The following PDE10A variants were observed in gnomAD, a reference collection of about 807,000 sequenced individuals.
The protein encoded by PDE10A is phosphodiesterase 10A.
PDE10A carries 39 observed loss-of-function variants against 97.7 expected under a neutral mutation model. The observed-to-expected ratio is 0.40, with a 90% CI of 0.31 to 0.52. The LOEUF is 0.52. Among genes scored for constraint, PDE10A ranks in the 20% least tolerant of loss-of-function variants. PDE10A has a pLI of 0.56. For synonymous variants in PDE10A, 371 were observed against 376.8 expected (o/e 0.98, Z 0.18); for missense variants, 731 against 1,047.8 (o/e 0.70, Z 4.17).
At chr6:165,761,030 G>A (rs542042317) in intron 1 of PDE10A, among the ~76,000 whole-genome samples, 48 of 152,328 alleles carry the variant, frequency 3.2e-4, no homozygotes, top group Admixed American at 5.2e-4. Flanking sequence ...GGAGCCTTGC[G>A]AAGTTCCCAC....
At chr6:165,959,798 C>G (rs538641625) in intron 1 of PDE10A, among the ~76,000 whole-genome samples, 1 of 152,044 alleles carries the variant, frequency 6.6e-6, no homozygotes, top group Non-Finnish European at 1.5e-5. Flanking sequence ...AGAGAGATCT[C>G]GCCTGGGGAG....
At position 165,534,311 on chromosome 6, in the gene PDE10A, C is replaced by T. The variant is rs1247261483; in HGVS notation, c.994+9129G>A. On this transcript the variant is annotated intron_variant, in intron 2 of 21. Transcript: ENST00000539869. Reference sequence around the variant, plus strand: ...GATGCAATAATAAAAAGTCTTCCATCAAAAAAAAAAAAAAAAGTCCAGGAC... The same window carrying T: ...GATGCAATAATAAAAAGTCTTCCATTAAAAAAAAAAAAAAAAGTCCAGGAC... Among the ~76,000 whole-genome samples the T allele has an allele frequency of 6.9e-5, 9 of 130,778 alleles. No homozygotes were observed. In the East Asian group the frequency reaches 2.0e-3, roughly 30 times the overall value. 85.8% of individuals were successfully genotyped at this position (130,778 alleles called of 152,430 possible).
At chr6:165,873,258 T>C (rs893058056) in intron 1 of PDE10A, among the ~76,000 whole-genome samples, 5 of 152,168 alleles carry the variant, frequency 3.3e-5, no homozygotes, top group African/African-American at 1.2e-4. Context: ...ACCAACGCTT[T>C]GAATTCCTTA....
intron 2 of PDE10A, among the ~76,000 whole-genome samples, chr6:165,529,558 G>A (rs536058717): frequency 1.2e-4 from 18 of 152,262 alleles, no homozygotes; most frequent in Admixed American, 2.0e-4. Context: ...CATGACCAGT[G>A]GCAGAAATGA....
chr6:165,386,932 C>T (rs931764988), intron 17 of PDE10A, among the ~76,000 whole-genome samples: 34 of 151,700 alleles, frequency 2.2e-4, no homozygotes, highest in Admixed American at 1.8e-3. Context: ...AGGAGAATGG[C>T]GTGAATCCAG....
At chr6:165,405,764 T>G (rs900291750) in intron 13 of PDE10A, among the ~76,000 whole-genome samples, 2 of 152,008 alleles carry the variant, frequency 1.3e-5, no homozygotes, top group Non-Finnish European at 2.9e-5. Context: ...ACTCAAAAAG[T>G]AGGGAAAGAA....
At chr6:165,891,658 T>C (rs867887) in intron 1 of PDE10A, among the ~76,000 whole-genome samples, 94,708 of 151,858 alleles carry the variant, frequency 0.62, 29,976 homozygotes, top group East Asian at 0.92. Flanking sequence ...GAGACTAGAA[T>C]GAGGGATCTT....
chr6:165,489,560 T>C (rs1780107304), intron 2 of PDE10A, among the ~76,000 whole-genome samples: 2 of 152,036 alleles, frequency 1.3e-5, no homozygotes, highest in Admixed American at 1.3e-4. Context: ...CCCCAAAAGA[T>C]CATACTAGCT....
At chr6:165,635,362 G>T (rs1405082893) in intron 1 of PDE10A, among the ~76,000 whole-genome samples, 1 of 152,140 alleles carries the variant, frequency 6.6e-6, no homozygotes, top group Non-Finnish European at 1.5e-5. Flanking sequence ...GGGGGTAGTG[G>T]TTATTATTTT....
chr6:165,489,703 C>T (rs1320331462), intron 2 of PDE10A, among the ~76,000 whole-genome samples: 2 of 152,016 alleles, frequency 1.3e-5, no homozygotes, highest in African/African-American at 4.8e-5. Context: ...AAAAATGACA[C>T]AGGATATCAA....
At chr6:165,631,163 G>T (rs1310360848) in intron 1 of PDE10A, among the ~76,000 whole-genome samples, 1 of 152,074 alleles carries the variant, frequency 6.6e-6, no homozygotes, top group Admixed American at 6.5e-5. Context: ...GAAGAAATAG[G>T]TTAATCTTAT....
At chr6:165,667,507 CGTTAT>C (rs1790527004), upstream of PDE10A, among the ~76,000 whole-genome samples, 1 of 151,682 alleles carries the variant, frequency 6.6e-6, no homozygotes, top group African/African-American at 2.4e-5. Flanking sequence ...AATTAGAATT[CGTTAT>C]AATTTTTAAA....
At chr6:165,901,496 G>A (rs1315855499) in intron 1 of PDE10A, among the ~76,000 whole-genome samples, 1 of 152,136 alleles carries the variant, frequency 6.6e-6, no homozygotes, top group Non-Finnish European at 1.5e-5. Flanking sequence ...TGGCTGCTCA[G>A]CCCTTATTAC....
intron 1 of PDE10A, among the ~76,000 whole-genome samples, chr6:165,724,813 G>C (rs186228968): frequency 1.7e-3 from 252 of 152,316 alleles, no homozygotes; most frequent in African/African-American, 5.8e-3. Context: ...AGAGACTCCT[G>C]ACCATTTATG....
chr6:165,967,587 C>A (rs1185961970), intron 1 of PDE10A, among the ~76,000 whole-genome samples: 1 of 152,182 alleles, frequency 6.6e-6, no homozygotes, highest in African/African-American at 2.4e-5. Context: ...ATTTCAAAAA[C>A]AAATACTGCA....
intron 1 of PDE10A, among the ~76,000 whole-genome samples, chr6:165,749,203 C>T (rs1240644400): frequency 0.19 from 12,966 of 67,894 alleles, 187 homozygotes; most frequent in African/African-American, 0.3. Flanking sequence ...TCACCATCAC[C>T]ATCATCACCA....
intron 1 of PDE10A, among the ~76,000 whole-genome samples, chr6:165,581,308 A>G (rs890921720): frequency 2.0e-5 from 3 of 152,192 alleles, no homozygotes; most frequent in African/African-American, 7.2e-5. Context: ...TCCTCAGTGC[A>G]GTGGCATTTG....
intron 8 of PDE10A, among the ~76,000 whole-genome samples, 197 bp downstream of exon 8, chr6:165,431,225 A>C (rs1371804473): frequency 2.3e-4 from 35 of 151,302 alleles, no homozygotes; most frequent in Admixed American, 2.2e-3. Flanking sequence ...GAATGGACAC[A>C]CATATATTGC....
At chr6:165,639,773 A>C (rs1175151209) in intron 1 of PDE10A, among the ~76,000 whole-genome samples, 1 of 151,718 alleles carries the variant, frequency 6.6e-6, no homozygotes, top group East Asian at 1.9e-4. Context: ...GAGAGACATA[A>C]AAATCAATCT....
Sources: allele counts gnomAD v4.1 joint callset (sites outside exome capture counted in the v4.1 genomes callset), GRCh38; gene constraint gnomAD v4.1.1; transcripts MANE v1.5; gene names NCBI Gene and HGNC (gene_info 2026-07-23, HGNC 2026-07-21).